Variants in OTOGL observed in about 807,000 individuals in gnomAD.
OTOGL encodes the protein otogelin-like protein.
Under a neutral mutation model 318.5 loss-of-function variants are expected in OTOGL, and 285 were observed. The ratio of observed to expected loss-of-function variants is 0.89; its 90% CI spans 0.81 to 0.99. The LOEUF is 0.99. Among genes scored for constraint, OTOGL ranks in the 50% least tolerant of loss-of-function variants. The probability of loss-of-function intolerance (pLI) is 0.00; values close to 1 mark genes in which losing one functional copy is unlikely to be tolerated. For missense variants in OTOGL, 2,899 were observed against 2,845.6 expected, an observed-to-expected ratio of 1.02 and a Z score of -0.43; for synonymous variants, 987 against 936.5, an observed-to-expected ratio of 1.05 and a Z score of -0.99.
chr12:80,170,675 C>A (rs576176317), intron 1 of OTOGL, among the ~76,000 whole-genome samples: 2 of 152,236 alleles, frequency 1.3e-5, no homozygotes, highest in African/African-American at 4.8e-5. Context: ...CTCAGGTGAT[C>A]TTCCCGCCTC....
chr12:80,122,989 G>C (rs966925968), intron 1 of OTOGL, among the ~76,000 whole-genome samples: 1 of 150,936 alleles, frequency 6.6e-6, no homozygotes, highest in Non-Finnish European at 1.5e-5. Flanking sequence ...CAGAGTGAAT[G>C]CCTTTTGTTT....
chr12:80,368,388 C>CCG (rs1011790883), intron 55 of OTOGL, 79 bp downstream of exon 55: 23 of 881,634 alleles, frequency 2.6e-5, no homozygotes, highest in Admixed American at 6.3e-5. Context: ...AAATGTCCCC[C>CCG]CCCACACACA....
At position 80,265,400 on chromosome 12, in the gene OTOGL, C is replaced by T. The variant is rs191356063; in HGVS notation, c.2224+190C>T. The T allele has an allele frequency of 1.7e-4, 113 of 664,012 alleles. 1 individual carries two copies. The East Asian group carries it at 3.1e-3, about 18-fold the overall frequency. The allele number at this position is 664,012 out of a possible 1,614,324, so 41.1% of individuals were successfully genotyped here. A position where few individuals can be genotyped will look rare whatever the true frequency, so the allele number is the denominator to read the frequency against. Reference sequence around the variant, plus strand: ...AGATTGGAGATATGTTGGATAAGACCAATAACTTTTGACTAGTTTTGTAAT... The same window carrying T: ...AGATTGGAGATATGTTGGATAAGACTAATAACTTTTGACTAGTTTTGTAAT... On this transcript the variant is annotated intron_variant, in intron 20 of 58. Transcript: ENST00000547103.
intron 1 of OTOGL, among the ~76,000 whole-genome samples, chr12:80,204,716 T>C (rs2137293019): frequency 6.6e-6 from 1 of 152,172 alleles, no homozygotes; most frequent in Non-Finnish European, 1.5e-5. Flanking sequence ...ATGTAAATGG[T>C]TGAATAAGTT....
chr12:80,356,810 G>A lies in OTOGL; in HGVS notation c.5915G>A (p.Cys1972Tyr). 1 of 1,588,016 alleles carries A rather than the reference G, an allele frequency of 6.3e-7. No individual in the cohort carries two copies. The highest frequency in any genetic ancestry group is 8.6e-7 in the Non-Finnish European group (1 of 1,166,794). ...TAATGTAATTTTGTTTCTGCAGAAT[G>A]TGACCCATTGAAATGCCCCAGTATT... Reference protein sequence around the residue: ...LSCCPQYKCECDPLKCPSIST... With the variant: ...LSCCPQYKCEYDPLKCPSIST... The change falls in exon 49 of 59, where the codon TGT (cysteine) becomes TAT (tyrosine). Residue 1972 changes from cysteine (C) to tyrosine (Y), a missense_variant. Around this residue, in one of 3 missense-constraint regions of OTOGL, gnomAD observed 2,607 missense variants for 2,524.9 expected, o/e 1.03. Coordinates refer to ENST00000547103, the MANE Select transcript of OTOGL (RefSeq NM_001378609.3).
chr12:80,275,433 G>A (rs1048604197), intron 24 of OTOGL, among the ~76,000 whole-genome samples: 4 of 151,902 alleles, frequency 2.6e-5, no homozygotes, highest in African/African-American at 7.2e-5. Context: ...TTGAATGGAC[G>A]AGGAGTTGCT....
chr12:80,374,672 T>G (rs10746160), intron 57 of OTOGL, among the ~76,000 whole-genome samples: 143,103 of 151,898 alleles, frequency 0.94, 67,480 homozygotes, highest in East Asian at 1. Context: ...CTTCTTCAGA[T>G]TCTAGACTCT....
chr12:80,256,093 T>C (rs963114139), intron 16 of OTOGL, among the ~76,000 whole-genome samples: 1 of 152,086 alleles, frequency 6.6e-6, no homozygotes, highest in African/African-American at 2.4e-5. Flanking sequence ...ATGTACTATA[T>C]AAAGTTATAT....
intron 1 of OTOGL, among the ~76,000 whole-genome samples, chr12:80,113,338 G>A (rs1228943839): frequency 6.6e-6 from 1 of 152,038 alleles, no homozygotes; most frequent in Admixed American, 6.6e-5. Flanking sequence ...TTTTAATTAT[G>A]ATGTTAGGGT....
intron 1 of OTOGL, chr12:80,133,681 G>A (rs1467315004): frequency 6.6e-6 from 1 of 152,322 alleles, no homozygotes; most frequent in Non-Finnish European, 1.5e-5. Context: ...AAGGCTGGGT[G>A]TGGTGGCTCG....
chr12:80,153,837 A>C (rs1438186281), intron 1 of OTOGL, among the ~76,000 whole-genome samples: 1 of 152,022 alleles, frequency 6.6e-6, no homozygotes, highest in Admixed American at 6.6e-5. Context: ...GGCTTTTTTC[A>C]CTTAGTAATA....
Position 80,336,099 on chromosome 12 carries a change from AAGTGAAC to A in OTOGL, c.4565_4571del (p.Asn1522IlefsTer19). 1.9e-6 allele frequency: 3 copies of A among 1,598,816 alleles called. No homozygotes were observed. ...TGTGGTTTCCGAGGAAGGCCAGTTC[AAGTGAAC>A]AGTGATATCTGCTGCCCTGAGTGGG... On this transcript the variant is annotated frameshift_variant, in exon 39 of 59. Transcript: ENST00000547103. LOFTEE classifies it high-confidence loss of function.
intron 8 of OTOGL, among the ~76,000 whole-genome samples, chr12:80,230,752 A>C (rs1879288405): frequency 6.6e-6 from 1 of 152,182 alleles, no homozygotes; most frequent in Non-Finnish European, 1.5e-5. Flanking sequence ...AAAATCAAAC[A>C]TGTGGCTCTG....
At chr12:80,361,190 G>A (rs966423549) in intron 52 of OTOGL, 14 of 152,068 alleles carry the variant, frequency 9.2e-5, no homozygotes, top group African/African-American at 3.4e-4. Context: ...CCTTCTGTGA[G>A]TTCAACTTTT....
intron 26 of OTOGL, among the ~76,000 whole-genome samples, chr12:80,285,769 T>G (rs1410186671): frequency 1.3e-5 from 2 of 152,198 alleles, no homozygotes; most frequent in Non-Finnish European, 2.9e-5. Context: ...AAGGAGTTTT[T>G]GGGCTGAGAT....
chr12:80,103,957 T>C (rs988402900), intron 1 of OTOGL, among the ~76,000 whole-genome samples: 1 of 152,230 alleles, frequency 6.6e-6, no homozygotes, highest in African/African-American at 2.4e-5. Flanking sequence ...GGGGTCAAAA[T>C]ATAATTTATT....
At chr12:80,103,622 C>T (rs1390813222) in intron 1 of OTOGL, among the ~76,000 whole-genome samples, 3 of 152,306 alleles carry the variant, frequency 2.0e-5, no homozygotes, top group African/African-American at 7.2e-5. Context: ...AATGCAGGTT[C>T]CATAAAAGCT....
chr12:80,242,524 T>A (rs1015239020), intron 11 of OTOGL, among the ~76,000 whole-genome samples: 1 of 152,146 alleles, frequency 6.6e-6, no homozygotes, highest in African/African-American at 2.4e-5. Flanking sequence ...CTGTAGGAAA[T>A]GAGTGATTCT....
intron 1 of OTOGL, among the ~76,000 whole-genome samples, chr12:80,159,931 C>A (rs1873390742): frequency 6.6e-6 from 1 of 151,914 alleles, no homozygotes; most frequent in Admixed American, 6.6e-5. Flanking sequence ...AATAGAGAAC[C>A]CAGAAATAAA....
Sources: allele counts gnomAD v4.1 joint callset (sites outside exome capture counted in the v4.1 genomes callset), GRCh38; gene constraint gnomAD v4.1.1; regional missense constraint gnomAD v4.1.1; transcripts MANE v1.5; gene names NCBI Gene and HGNC (gene_info 2026-07-23, HGNC 2026-07-21).